Variants in INSL6 observed in about 807,000 individuals in gnomAD.
INSL6 encodes the protein insulin-like peptide INSL6.
Under a neutral mutation model 9.4 loss-of-function variants are expected in INSL6, and 16 were observed. The observed-to-expected ratio is 1.70, with a 90% CI of 1.15 to 2.59. INSL6 has a LOEUF of 2.59. Ranked by LOEUF, INSL6 falls within the 30% of genes most tolerant of loss-of-function variation. The pLI is 0.00. For missense variants in INSL6, 391 were observed against 257.3 expected (o/e 1.52, Z -3.56); for synonymous variants, 154 against 96.9 (o/e 1.59, Z -3.46).
At chr9:5,106,792 C>T in the INSL6 span, among the ~76,000 whole-genome samples, 6 of 152,204 alleles carry the variant, frequency 3.9e-5, no homozygotes, top group East Asian at 1.9e-4. Context: ...AGCAAACTAG[C>T]GCAAGGACAG....
At chr9:5,085,900 T>C in the INSL6 span, 1 of 890,228 alleles carries the variant, frequency 1.1e-6, no homozygotes, top group Non-Finnish European at 1.9e-6. Flanking sequence ...GGTTCCTTTC[T>C]AATACCCTCA....
At chr9:5,033,543 T>C in the INSL6 span, among the ~76,000 whole-genome samples, 1 of 152,188 alleles carries the variant, frequency 6.6e-6, no homozygotes, top group Non-Finnish European at 1.5e-5. Context: ...GCAGATCTCT[T>C]GGCAGAAACT....
At chr9:5,038,967 T>TA in the INSL6 span, among the ~76,000 whole-genome samples, 3 of 151,998 alleles carry the variant, frequency 2.0e-5, no homozygotes, top group Non-Finnish European at 4.4e-5. Context: ...CCCATCATTA[T>TA]AAAAAAACTC....
At chr9:5,003,420 C>T in the INSL6 span, among the ~76,000 whole-genome samples, 5 of 152,050 alleles carry the variant, frequency 3.3e-5, no homozygotes, top group East Asian at 7.7e-4. Context: ...GTTTTTATTG[C>T]ACAGTTTTTA....
chr9:5,018,837 A>G, the INSL6 span, among the ~76,000 whole-genome samples: 8 of 151,582 alleles, frequency 5.3e-5, no homozygotes, highest in Non-Finnish European at 1.0e-4. Context: ...ATATCGTTCC[A>G]TTCTCTTCCT....
chr9:5,077,520 T>C, the INSL6 span: 1 of 1,474,376 alleles, frequency 6.8e-7, no homozygotes. Flanking sequence ...ATAAAAATTG[T>C]ATAAATATAT....
chr9:5,008,358 C>T, the INSL6 span, among the ~76,000 whole-genome samples: 3 of 152,070 alleles, frequency 2.0e-5, no homozygotes, highest in African/African-American at 7.3e-5. Flanking sequence ...ATGCATTCTT[C>T]AGTTGTTAGG....
the INSL6 span, among the ~76,000 whole-genome samples, chr9:5,074,549 T>C: frequency 6.6e-6 from 1 of 152,326 alleles, no homozygotes; most frequent in African/African-American, 2.4e-5. Context: ...ACAGAGAGAA[T>C]ATAAGAAGGC....
chr9:5,032,423 G>C, the INSL6 span, among the ~76,000 whole-genome samples: 1 of 152,236 alleles, frequency 6.6e-6, no homozygotes, highest in African/African-American at 2.4e-5. Flanking sequence ...TGCAGCTGGA[G>C]ATCTGAGAAC....
At chr9:5,007,261 A>T in the INSL6 span, among the ~76,000 whole-genome samples, 41 of 152,260 alleles carry the variant, frequency 2.7e-4, no homozygotes, top group African/African-American at 9.9e-4. Flanking sequence ...ATATCTTAGT[A>T]TACACTTTTA....
chr9:5,081,835 T>C, the INSL6 span: 2 of 1,613,672 alleles, frequency 1.2e-6, no homozygotes, highest in South Asian at 2.2e-5. Flanking sequence ...AGAGAGACAT[T>C]TGAAATTTCT....
intron 2 of INSL6, among the ~76,000 whole-genome samples, chr9:5,149,778 G>A (rs1824676475): frequency 6.6e-6 from 1 of 151,970 alleles, no homozygotes; most frequent in East Asian, 1.9e-4. Context: ...TGTGGCCAAA[G>A]CAATCTTAAG....
chr9:5,142,141 G>C (rs147411950), intron 2 of INSL6, among the ~76,000 whole-genome samples: 4 of 152,212 alleles, frequency 2.6e-5, no homozygotes, highest in African/African-American at 4.8e-5. Context: ...GTTTGAAATA[G>C]GGTAGCATGA....
At chr9:5,033,402 A>G in the INSL6 span, among the ~76,000 whole-genome samples, 1 of 152,142 alleles carries the variant, frequency 6.6e-6, no homozygotes, top group Non-Finnish European at 1.5e-5. Flanking sequence ...CCACAAAGAT[A>G]CTCCTTGAGA....
At chr9:5,088,297 G>C in the INSL6 span, among the ~76,000 whole-genome samples, 4 of 152,190 alleles carry the variant, frequency 2.6e-5, no homozygotes, top group East Asian at 7.7e-4. Flanking sequence ...ATTTAACTTT[G>C]AGCCTACATG....
downstream of INSL6, among the ~76,000 whole-genome samples, chr9:5,162,407 A>G (rs968662408): frequency 6.6e-6 from 1 of 152,152 alleles, no homozygotes; most frequent in African/African-American, 2.4e-5. Context: ...AGCTATGCAA[A>G]TAACACACTT....
At chr9:5,120,005 A>T (rs1823492555), downstream of INSL6, among the ~76,000 whole-genome samples, 1 of 152,234 alleles carries the variant, frequency 6.6e-6, no homozygotes. Flanking sequence ...TTATGCTGCT[A>T]TAACAGAATA....
At chr9:5,051,865 C>T in the INSL6 span, among the ~76,000 whole-genome samples, 3 of 151,814 alleles carry the variant, frequency 2.0e-5, no homozygotes, top group African/African-American at 7.3e-5. Context: ...TTTAAATATT[C>T]TTGTTTTACT....
At chr9:5,068,039 A>T in the INSL6 span, among the ~76,000 whole-genome samples, 1 of 152,214 alleles carries the variant, frequency 6.6e-6, no homozygotes, top group Non-Finnish European at 1.5e-5. Context: ...GCGCACCTGT[A>T]GTCCCAGCTA....
Sources: allele counts gnomAD v4.1 joint callset (sites outside exome capture counted in the v4.1 genomes callset), GRCh38; gene constraint gnomAD v4.1.1; transcripts MANE v1.5; gene names NCBI Gene and HGNC (gene_info 2026-07-23, HGNC 2026-07-21).